TUBGCP2: variants seen among roughly 807,000 people sequenced by gnomAD.
TUBGCP2 encodes tubulin gamma complex component 2, also known as gamma-tubulin complex component 2.
TUBGCP2 carries 55 observed loss-of-function variants against 92.2 expected under a neutral mutation model. That is an observed-to-expected ratio of 0.60 (90% CI 0.48 to 0.75). The LOEUF is 0.75. TUBGCP2 is among the 30% of genes least tolerant of loss of function. The pLI, the probability that TUBGCP2 is intolerant of heterozygous loss-of-function variation, is 0.00. For synonymous variants in TUBGCP2, 533 were observed against 505.2 expected, an observed-to-expected ratio of 1.06 and a Z score of -0.74; for missense variants, 1,093 against 1,188.9, an observed-to-expected ratio of 0.92 and a Z score of 1.19.
In TUBGCP2 at chr10:133,285,729, A is replaced by C; in HGVS notation, c.1723-101T>G. On this transcript the variant is annotated intron_variant, in intron 11 of 17. Coordinates refer to ENST00000252936, the MANE Select transcript of TUBGCP2 (RefSeq NM_006659.4). The surrounding 1 kb of genome is among the most constrained non-coding windows in gnomAD (Gnocchi z 6.8). ...CGCTCACAGACCCAGCGCTGACGTA[A>C]GGTTCCCTACATTCCGATTCTAAAT... is the stretch of plus-strand genomic sequence containing the variant. 1 of 1,188,008 alleles carries C rather than the reference A, an allele frequency of 8.4e-7. No homozygotes were observed. Among genetic ancestry groups the C allele is most frequent in the Non-Finnish European group, 1.1e-6 (1 of 891,480 alleles). The allele number at this position is 1,188,008 out of a possible 1,614,324, so 73.6% of individuals were successfully genotyped here. A position where few individuals can be genotyped will look rare whatever the true frequency, so the allele number is the denominator to read the frequency against.
intron 8 of TUBGCP2, among the ~76,000 whole-genome samples, chr10:133,291,824 TCCGTGTCCC>T (rs796564270): frequency 2.3e-4 from 9 of 38,884 alleles, no homozygotes; most frequent in East Asian, 2.1e-3. Flanking sequence ...CCCATGTCCC[TCCGTGTCCC>T]CCATGTCCCT....
chr10:133,311,465 T>C (rs1334980123), upstream of TUBGCP2, among the ~76,000 whole-genome samples: 1 of 152,024 alleles, frequency 6.6e-6, no homozygotes, highest in African/African-American at 2.4e-5. Flanking sequence ...AATACTATTT[T>C]CAAAAAAAAG....
chr10:133,304,114 C>T (rs1305473729), intron 1 of TUBGCP2, among the ~76,000 whole-genome samples: 1 of 152,194 alleles, frequency 6.6e-6, no homozygotes, highest in Admixed American at 6.5e-5. Flanking sequence ...AGGTGAGTCA[C>T]TCGAGGCCAG....
chr10:133,294,093 T>C (rs111338647), intron 5 of TUBGCP2, among the ~76,000 whole-genome samples: 130 of 152,384 alleles, frequency 8.5e-4, no homozygotes, highest in African/African-American at 2.8e-3. Context: ...AGCTGCACTT[T>C]CAACATTGGT....
In TUBGCP2 at chr10:133,285,488, G is replaced by A. The variant is rs755508096; in HGVS notation, c.1863C>T (p.Ile621=). The A allele has an allele frequency of 3.7e-6, 6 of 1,612,830 alleles. No homozygotes were observed. Among genetic ancestry groups the A allele is most frequent in the South Asian group, 2.2e-5 (2 of 91,048 alleles). The change falls in exon 12 of 18, where the codon ATC becomes ATT. Residue 621 remains isoleucine (I), a synonymous_variant. Coordinates refer to ENST00000252936, the MANE Select transcript of TUBGCP2 (RefSeq NM_006659.4). This position sits in a 1 kb window ranked among gnomAD's most constrained non-coding sequence, Gnocchi z 6.8. ...TGATGAGCGAAAGGGGCCACTTGAC[G>A]ATGTAGTCGAAAGAGAAGGCCTCCA... ...SGLEAFSFDY[I]VKWPLSLIIN... is the part of the protein sequence containing the mutation.
At chr10:133,311,835 G>A, upstream of TUBGCP2, 1 of 1,613,386 alleles carries the variant, frequency 6.2e-7, no homozygotes, top group Non-Finnish European at 8.5e-7. Context: ...CGGATCTACA[G>A]ACATAGGTCA....
Position 133,289,653 on chromosome 10 carries a change from C to T in TUBGCP2, c.1360+171G>A, listed in dbSNP as rs116069788. ...ACCATCTCAAGGCCTAACTCAGCGC[C>T]GCAGCCCAGCCCACGGGCCAGTCCT... On this transcript the variant is annotated intron_variant, in intron 9 of 17. Transcript: ENST00000252936. Among the ~76,000 whole-genome samples, 608 of 152,316 alleles carry T rather than the reference C, an allele frequency of 4.0e-3. 4 individuals carry two copies. Among genetic ancestry groups the T allele is most frequent in the African/African-American group, 0.013 (556 of 41,590 alleles).
upstream of TUBGCP2, chr10:133,311,809 A>G (rs1847995565): frequency 6.2e-7 from 1 of 1,613,340 alleles, no homozygotes; most frequent in Non-Finnish European, 8.5e-7. Context: ...CCTCCCCTGC[A>G]CCGGCAGGTG....
At position 133,292,575 on chromosome 10, in the gene TUBGCP2, T is replaced by G. The variant is rs760355997; in HGVS notation, c.1138A>C (p.Thr380Pro). Reference sequence around the variant, plus strand: ...AAGTAGGGAGCACTGGCCGCCTTGGTTAGGTACAGGCATAGCTCCTGCGCC... The same window carrying G: ...AAGTAGGGAGCACTGGCCGCCTTGGGTAGGTACAGGCATAGCTCCTGCGCC... The part of the protein sequence containing the change: ...SQAQELCLYL[T>P]KAASAPYFEV... Residue 380 changes from threonine (T) to proline (P), a missense_variant, in exon 8 of 18, where the codon ACC becomes CCC. Thr to Pro is a conservative substitution (Grantham distance 38, BLOSUM62 -1). Transcript: ENST00000252936. The G allele has an allele frequency of 6.2e-7, 1 of 1,614,136 alleles. No individual in the cohort carries two copies. Among genetic ancestry groups the G allele is most frequent in the South Asian group, 1.1e-5 (1 of 91,084 alleles).
intron 1 of TUBGCP2, 141 bp downstream of exon 1, chr10:133,308,682 G>A (rs1018569933): frequency 3.7e-6 from 1 of 269,668 alleles, no homozygotes; most frequent in East Asian, 6.5e-5. Context: ...CGGCCCCAGA[G>A]TTCGGGGACC....
At chr10:133,292,780 C>T in intron 7 of TUBGCP2, 92 bp from the exon 8 acceptor site, 1 of 1,442,498 alleles carries the variant, frequency 6.9e-7, no homozygotes, top group South Asian at 1.3e-5. Flanking sequence ...GCTTCTCCAA[C>T]CTTCTTCCTG....
chr10:133,285,425 T>C lies in TUBGCP2; in HGVS notation c.1895+31A>G, dbSNP rs771810304. 10 of 1,612,942 alleles carry C rather than the reference T, an allele frequency of 6.2e-6. No homozygotes were observed. The Admixed American group carries it at 1.7e-4, about 27-fold the overall frequency. On this transcript the variant is annotated intron_variant, in intron 12 of 17. Coordinates refer to ENST00000252936, the MANE Select transcript of TUBGCP2 (RefSeq NM_006659.4). The surrounding 1 kb of genome is among the most constrained non-coding windows in gnomAD (Gnocchi z 6.8). ...CGCTTCTGCCAAACCTGAGTGAAGA[T>C]CTGGCAGGTGCCCGAGCAGCCGACC...
intron 8 of TUBGCP2, among the ~76,000 whole-genome samples, chr10:133,291,246 TCCC>T (rs1304613509): frequency 1.5e-5 from 1 of 67,778 alleles, no homozygotes. Flanking sequence ...GCCCTCCGTG[TCCC>T]CCATGTCCCT....
At position 133,289,955 on chromosome 10, in the gene TUBGCP2, T is replaced by G; in HGVS notation, c.1229A>C (p.Glu410Ala). 1 of 1,614,138 alleles carries G rather than the reference T, an allele frequency of 6.2e-7. No homozygotes were observed. Among genetic ancestry groups the G allele is most frequent in the Non-Finnish European group, 8.5e-7 (1 of 1,180,000 alleles). Residue 410 changes from glutamate (E) to alanine (A), a missense_variant, in exon 9 of 18, where the codon GAG becomes GCG. By Grantham distance (107) the Glu-to-Ala change is moderately radical. This residue lies in a region of TUBGCP2 where 598 missense variants were observed against 675.5 expected (regional missense o/e 0.89). Transcript: ENST00000252936. ...IHDPYSEFMV[E>A]EHELRKERIQ... is the part of the protein sequence containing the mutation. ...CCTCTCCTTCCGCAGCTCGTGCTCC[T>G]CGACCATAAACTCACTAAAACCACA... is the stretch of plus-strand genomic sequence containing the variant.
chr10:133,293,773 C>T lies in TUBGCP2; in HGVS notation c.617-4G>A, dbSNP rs563937746. 12 of 1,577,712 alleles carry T rather than the reference C, an allele frequency of 7.6e-6. 1 individual carries two copies. The highest frequency in any genetic ancestry group is 2.3e-5 in the South Asian group (2 of 86,358). On this transcript the variant is annotated splice_polypyrimidine_tract_variant and splice_region_variant and intron_variant, in intron 5 of 17. Transcript: ENST00000252936. ...TGCGAGGCCAGGGGCAACGTGCCTG[C>T]GGGCACAGACAGCGCTGTGGCTCTG...
At chr10:133,279,997 A>AC in intron 17 of TUBGCP2, 96 bp from the exon 18 acceptor site, 3 of 1,508,402 alleles carry the variant, frequency 2.0e-6, no homozygotes, top group Non-Finnish European at 2.7e-6. Context: ...TAGGGTGCAC[A>AC]CCCCTTCTGC....
chr10:133,303,400 G>C (rs1316400131), intron 1 of TUBGCP2, among the ~76,000 whole-genome samples: 1 of 152,214 alleles, frequency 6.6e-6, no homozygotes, highest in Admixed American at 6.5e-5. Context: ...CAGCCCCGTG[G>C]GCAGCATGAA....
At chr10:133,306,066 T>C (rs1847811331) in intron 1 of TUBGCP2, among the ~76,000 whole-genome samples, 1 of 152,222 alleles carries the variant, frequency 6.6e-6, no homozygotes, top group Admixed American at 6.5e-5. Context: ...ACACTGTTGT[T>C]ACCAGGAAAG....
chr10:133,292,675 G>A lies in TUBGCP2; in HGVS notation c.1038C>T (p.Asp346=). ...TGGACCCCCCAAGACATTCGCCTTT[G>A]TCCACCGAGGTGGCTGTGGGGAGAA... The part of the protein sequence containing the change: ...DILASLATSV[D]KGECLGGSTL... The change falls in exon 8 of 18, where the codon GAC becomes GAT. Residue 346 remains aspartate (D), a synonymous_variant. Transcript: ENST00000252936. 6.2e-7 allele frequency: 1 copy of A among 1,613,296 alleles called. No individual in the cohort carries two copies. Among genetic ancestry groups the A allele is most frequent in the Non-Finnish European group, 8.5e-7 (1 of 1,179,604 alleles).
Sources: allele counts gnomAD v4.1 joint callset (sites outside exome capture counted in the v4.1 genomes callset), GRCh38; gene constraint gnomAD v4.1.1; regional missense constraint gnomAD v4.1.1; non-coding constraint Gnocchi (gnomAD v3.1); transcripts MANE v1.5; gene names NCBI Gene and HGNC (gene_info 2026-07-23, HGNC 2026-07-21).